Variants in DPYSL5 observed in about 807,000 individuals in gnomAD.
DPYSL5 encodes dihydropyrimidinase-related protein 5.
DPYSL5 carries 9 observed loss-of-function variants against 58.4 expected under a neutral mutation model. The observed-to-expected ratio is 0.15, with a 90% CI of 0.09 to 0.27. DPYSL5 has a LOEUF of 0.27. DPYSL5 is among the 10% of genes least tolerant of loss of function. The pLI, the probability that DPYSL5 is intolerant of heterozygous loss-of-function variation, is 1.00. For missense variants in DPYSL5, 499 were observed against 770.6 expected, an observed-to-expected ratio of 0.65 and a Z score of 4.17; for synonymous variants, 293 against 301.9, an observed-to-expected ratio of 0.97 and a Z score of 0.31.
chr2:26,873,452 G>A (rs1478265710), intron 1 of DPYSL5, among the ~76,000 whole-genome samples: 1 of 152,132 alleles, frequency 6.6e-6, no homozygotes, highest in African/African-American at 2.4e-5. Context: ...AGACATTTTT[G>A]GTTGTCACAA....
intron 2 of DPYSL5, among the ~76,000 whole-genome samples, chr2:26,909,992 T>C (rs1344052756): frequency 6.6e-6 from 1 of 152,252 alleles, no homozygotes; most frequent in African/African-American, 2.4e-5. Context: ...CCACCATTCC[T>C]GAAAGTTTCT....
chr2:26,936,238 G>T (rs921215409), intron 8 of DPYSL5, among the ~76,000 whole-genome samples: 1 of 152,194 alleles, frequency 6.6e-6, no homozygotes, highest in Non-Finnish European at 1.5e-5. Flanking sequence ...TGGGGGATGG[G>T]GATTCGCCTC....
intron 5 of DPYSL5, among the ~76,000 whole-genome samples, chr2:26,930,515 A>G (rs1364713891): frequency 1.3e-5 from 2 of 152,086 alleles, no homozygotes; most frequent in Non-Finnish European, 2.9e-5. Flanking sequence ...ATGCGCAGAC[A>G]CCCCCACCAT....
Position 26,949,072 on chromosome 2 carries a change from AC to A in DPYSL5, c.*2081del, listed in dbSNP as rs1007744562. On this transcript the variant is annotated 3_prime_UTR_variant, in exon 13 of 13. Transcript: ENST00000288699. ...ATGACCCTCCCAACCTTGGCTATCT[AC>A]CCCACCTGTGGAGAGGAGGTCTGGG... 1.3e-5 allele frequency: 2 copies of A among 152,016 alleles called. No homozygotes were observed. Among genetic ancestry groups the A allele is most frequent in the African/African-American group, 4.8e-5 (2 of 41,360 alleles). The allele number at this position is 152,016 out of a possible 1,614,324, so 9.4% of individuals were successfully genotyped here. A position where few individuals can be genotyped will look rare whatever the true frequency, so the allele number is the denominator to read the frequency against.
intron 1 of DPYSL5, among the ~76,000 whole-genome samples, chr2:26,895,874 C>T (rs964927131): frequency 6.0e-5 from 9 of 150,442 alleles, no homozygotes; most frequent in African/African-American, 1.5e-4. Flanking sequence ...TCTGCCTCCC[C>T]GGTTTAAGCA....
At chr2:26,918,716 T>A (rs12474404) in intron 2 of DPYSL5, among the ~76,000 whole-genome samples, 25,599 of 152,206 alleles carry the variant, frequency 0.17, 2,834 homozygotes, top group Admixed American at 0.3. Flanking sequence ...AAGATTCAGT[T>A]GGCCTTAATC....
chr2:26,941,917 C>T (rs2054904067), intron 9 of DPYSL5, 33 bp from the exon 10 acceptor site: 2 of 1,613,490 alleles, frequency 1.2e-6, no homozygotes, highest in Admixed American at 1.7e-5. Flanking sequence ...CCCCCAGAGC[C>T]TGGTTGACTT....
intron 2 of DPYSL5, among the ~76,000 whole-genome samples, chr2:26,916,113 A>G (rs1353179300): frequency 6.6e-6 from 1 of 151,882 alleles, no homozygotes; most frequent in Non-Finnish European, 1.5e-5. Flanking sequence ...TTTTTCAGTC[A>G]CCCAAGCATA....
intron 2 of DPYSL5, among the ~76,000 whole-genome samples, chr2:26,918,449 T>C (rs1176740255): frequency 6.7e-6 from 1 of 149,964 alleles, no homozygotes; most frequent in Admixed American, 6.8e-5. Flanking sequence ...CCATGAGCAA[T>C]AGAGAAACTA....
chr2:26,934,433 T>A lies in DPYSL5; in HGVS notation c.791-145T>A, dbSNP rs1665120704. 1.0e-6 allele frequency: 1 copy of A among 953,944 alleles called. No individual in the cohort carries two copies. Among genetic ancestry groups the A allele is most frequent in the African/African-American group, 1.6e-5 (1 of 60,692 alleles). The allele number at this position is 953,944 out of a possible 1,614,324, so 59.1% of individuals were successfully genotyped here. On this transcript the variant is annotated intron_variant, in intron 7 of 12. Transcript: ENST00000288699. The surrounding 1 kb of genome is among the most constrained non-coding windows in gnomAD (Gnocchi z 4.3). ...GAGGCTCTCTGGGCTTGAACCCAGC[T>A]GTGCTCTTAAAAGCCCTGTGAGCTT...
At chr2:26,928,159 C>T (rs1046693500) in intron 4 of DPYSL5, 96 bp from the exon 5 acceptor site, 19 of 1,250,974 alleles carry the variant, frequency 1.5e-5, no homozygotes, top group African/African-American at 5.9e-5. Flanking sequence ...TTGAAACAGG[C>T]GGTGTCTAGC....
intron 1 of DPYSL5, among the ~76,000 whole-genome samples, chr2:26,874,046 ACTT>A (rs1489456007): frequency 6.6e-6 from 1 of 152,046 alleles, no homozygotes; most frequent in African/African-American, 2.4e-5. Context: ...CTTATTTACT[ACTT>A]GTATCTTTTT....
At position 26,867,462 on chromosome 2, in the gene DPYSL5, T is replaced by TG. The variant is rs937673059; in HGVS notation, c.-5+19208_-5+19209insG. Among the ~76,000 whole-genome samples the TG allele has an allele frequency of 2.3e-3, 344 of 148,336 alleles. 2 individuals are homozygous for TG. Among genetic ancestry groups the TG allele is most frequent in the African/African-American group, 8.1e-3 (322 of 39,836 alleles). Reference sequence around the variant, plus strand: ...TTGTTTGTTTTTTTTTTTGTTTGTTTTTTTTTTTTTTGAGACGGAGTCTCG... The same window carrying TG: ...TTGTTTGTTTTTTTTTTTGTTTGTTTGTTTTTTTTTTTGAGACGGAGTCTCG... On this transcript the variant is annotated intron_variant, in intron 1 of 12. Coordinates refer to ENST00000288699, the MANE Select transcript of DPYSL5 (RefSeq NM_020134.4).
rs953790449 is a variant in DPYSL5, at chr2:26,849,774, G to T, written c.-5+1520G>T. 6.6e-6 allele frequency among the ~76,000 whole-genome samples: 1 copy of T among 152,218 alleles called. No homozygotes were observed. Among genetic ancestry groups the T allele is most frequent in the African/African-American group, 2.4e-5 (1 of 41,472 alleles). ...TACTCCCTGCGGAACCTCCGGGCAC[G>T]TGCTGGCTTTGGGGTTTTATGGGGG... On this transcript the variant is annotated intron_variant, in intron 1 of 12. Coordinates refer to ENST00000288699, the MANE Select transcript of DPYSL5 (RefSeq NM_020134.4). The surrounding 1 kb of genome is among the most constrained non-coding windows in gnomAD (Gnocchi z 6.2).
At chr2:26,858,263 C>T (rs1274166506) in intron 1 of DPYSL5, among the ~76,000 whole-genome samples, 1 of 150,986 alleles carries the variant, frequency 6.6e-6, no homozygotes, top group African/African-American at 2.4e-5. Context: ...GCTCCGCCTC[C>T]TGGGTTCACA....
At chr2:26,858,372 C>T (rs1431992803) in intron 1 of DPYSL5, among the ~76,000 whole-genome samples, 2 of 151,804 alleles carry the variant, frequency 1.3e-5, no homozygotes, top group Non-Finnish European at 2.9e-5. Flanking sequence ...GGAGTTTCAC[C>T]GTGTTAGCCA....
intron 1 of DPYSL5, among the ~76,000 whole-genome samples, chr2:26,890,017 C>T (rs767212902): frequency 3.4e-4 from 52 of 152,160 alleles, no homozygotes; most frequent in Non-Finnish European, 4.1e-4. Flanking sequence ...ATCTTGGGGA[C>T]TTAGGCTACT....
At chr2:26,912,435 T>C (rs1664465306) in intron 2 of DPYSL5, among the ~76,000 whole-genome samples, 1 of 152,178 alleles carries the variant, frequency 6.6e-6, no homozygotes. Flanking sequence ...GTCTTATTGC[T>C]CTCTGGCATC....
intron 2 of DPYSL5, among the ~76,000 whole-genome samples, chr2:26,916,827 T>C (rs1664576478): frequency 6.6e-6 from 1 of 152,240 alleles, no homozygotes; most frequent in South Asian, 2.1e-4. Flanking sequence ...CTGTTAAAAC[T>C]GAACTTTTCT....
Sources: gnomAD v4.1 joint callset for allele counts (sites outside exome capture counted in the v4.1 genomes callset) on GRCh38, gnomAD v4.1.1 for gene constraint, Gnocchi (gnomAD v3.1) non-coding constraint, MANE v1.5 for transcripts, NCBI Gene and HGNC (gene_info 2026-07-23, HGNC 2026-07-21) for gene names.